Variants in HTT-AS observed in about 807,000 individuals in gnomAD.
HTT-AS encodes HTT antisense RNA (head to head).
chr4:3,054,279 G>C (rs1328452539), intron 2 of HTT-AS, among the ~76,000 whole-genome samples: 1 of 151,654 alleles, frequency 6.6e-6, no homozygotes, highest in Non-Finnish European at 1.5e-5. Context: ...TTAAAAAGAG[G>C]GGTGTTTAAA....
chr4:3,047,117 C>T (rs1711605043), downstream of HTT-AS, among the ~76,000 whole-genome samples: 1 of 152,192 alleles, frequency 6.6e-6, no homozygotes, highest in South Asian at 2.1e-4. Flanking sequence ...CGAGACCATC[C>T]TGGCTAACAC....
At chr4:3,065,275 T>C (rs1171635019) in intron 1 of HTT-AS, among the ~76,000 whole-genome samples, 1 of 152,022 alleles carries the variant, frequency 6.6e-6, no homozygotes, top group Non-Finnish European at 1.5e-5. Context: ...AGTCTTGCTC[T>C]GTTGCCAGGC....
intron 2 of HTT-AS, among the ~76,000 whole-genome samples, chr4:3,059,247 G>A (rs752891999): frequency 4.6e-5 from 7 of 152,154 alleles, no homozygotes; most frequent in East Asian, 1.9e-4. Context: ...CGGAGAAGGC[G>A]AATTCATCTG....
At chr4:3,046,624 G>A (rs921099007), downstream of HTT-AS, among the ~76,000 whole-genome samples, 2 of 152,194 alleles carry the variant, frequency 1.3e-5, no homozygotes, top group Non-Finnish European at 2.9e-5. Flanking sequence ...TATCACCATC[G>A]TAAATGTACT....
chr4:3,069,515 C>A (rs1191958020), intron 1 of HTT-AS, among the ~76,000 whole-genome samples: 1 of 151,990 alleles, frequency 6.6e-6, no homozygotes, highest in African/African-American at 2.4e-5. Context: ...TAACCAAAAA[C>A]CAGGTAACAG....
intron 2 of HTT-AS, among the ~76,000 whole-genome samples, chr4:3,049,790 C>G (rs770402684): frequency 6.6e-6 from 1 of 151,990 alleles, no homozygotes; most frequent in Non-Finnish European, 1.5e-5. Flanking sequence ...TCTTAACATG[C>G]GAGAGCTTTT....
chr4:3,070,979 G>A (rs956444907), intron 1 of HTT-AS, among the ~76,000 whole-genome samples: 1 of 152,130 alleles, frequency 6.6e-6, no homozygotes, highest in Non-Finnish European at 1.5e-5. Flanking sequence ...ACTTTTCTGT[G>A]AACTTTAAAA....
intron 2 of HTT-AS, among the ~76,000 whole-genome samples, chr4:3,054,466 G>A (rs1711770701): frequency 6.6e-6 from 1 of 152,098 alleles, no homozygotes; most frequent in Admixed American, 6.6e-5. Context: ...TGTGAGGAGA[G>A]TGAAATGTGT....
intron 1 of HTT-AS, among the ~76,000 whole-genome samples, chr4:3,065,859 T>C (rs1304423545): frequency 1.3e-5 from 2 of 152,240 alleles, no homozygotes; most frequent in Admixed American, 1.3e-4. Flanking sequence ...AAGTGTGGTT[T>C]CCATTGAATG....
intron 1 of HTT-AS, among the ~76,000 whole-genome samples, chr4:3,064,112 T>TTC (rs386399082): frequency 6.6e-6 from 1 of 151,392 alleles, no homozygotes; most frequent in Non-Finnish European, 1.5e-5. Flanking sequence ...TTTTTTTTTT[T>TTC]TGAGATGGAG....
intron 2 of HTT-AS, among the ~76,000 whole-genome samples, chr4:3,057,326 C>A (rs1332174545): frequency 6.6e-6 from 1 of 152,012 alleles, no homozygotes; most frequent in Non-Finnish European, 1.5e-5. Context: ...AGCCACTGCA[C>A]CCCACCCTGT....
rs34685466 is a variant in HTT-AS at position 3,055,781 on chromosome 4, AG to A, written n.1381-6084del. On this transcript the variant is annotated intron_variant and non_coding_transcript_variant, in intron 2 of 2. Transcript: ENST00000664062. ...TAAGTGTGCAAGAAAAATGAAACAA[AG>A]GGGTAGAACACAAACATCCCCACGA... Among the ~76,000 whole-genome samples, 283 of 152,316 alleles carry A rather than the reference AG, an allele frequency of 1.9e-3. 1 individual carries two copies. The highest frequency in any genetic ancestry group is 3.4e-3 in the Middle Eastern group (1 of 294).
chr4:3,074,523 C>A, exon 1 of HTT-AS: 3 of 293,234 alleles, frequency 1.0e-5, no homozygotes, highest in Non-Finnish European at 1.2e-5. Flanking sequence ...CTGTGTGAGG[C>A]AGAACCTGCG....
downstream of HTT-AS, among the ~76,000 whole-genome samples, chr4:3,048,781 A>ATT (rs1183771436): frequency 1.4e-4 from 21 of 152,322 alleles, no homozygotes; most frequent in African/African-American, 5.1e-4. Flanking sequence ...GCCTATCATG[A>ATT]GGGATACATT....
At chr4:3,073,959 CG>C (rs1038355155) in intron 1 of HTT-AS, among the ~76,000 whole-genome samples, 1 of 152,098 alleles carries the variant, frequency 6.6e-6, no homozygotes, top group African/African-American at 2.4e-5. Context: ...CAGGCGTCGG[CG>C]GGGGATCCTT....
intron 2 of HTT-AS, among the ~76,000 whole-genome samples, chr4:3,055,712 G>A (rs988268824): frequency 3.9e-5 from 6 of 152,122 alleles, no homozygotes; most frequent in African/African-American, 7.2e-5. Context: ...TTGGCTTTAC[G>A]CTCAGCTTCC....
At chr4:3,068,575 C>T (rs375565412) in intron 1 of HTT-AS, among the ~76,000 whole-genome samples, 21 of 151,122 alleles carry the variant, frequency 1.4e-4, no homozygotes, top group African/African-American at 5.1e-4. Flanking sequence ...ATGGAAAATT[C>T]GGGGGCCAAT....
intron 1 of HTT-AS, among the ~76,000 whole-genome samples, chr4:3,069,302 C>T (rs563565070): frequency 5.7e-4 from 85 of 149,382 alleles, no homozygotes; most frequent in African/African-American, 1.8e-3. Context: ...CCTGCCACCA[C>T]ACCTGGCTAA....
intron 1 of HTT-AS, among the ~76,000 whole-genome samples, chr4:3,074,140 G>T (rs1350066111): frequency 8.8e-6 from 1 of 113,120 alleles, no homozygotes; most frequent in Non-Finnish European, 1.8e-5. Context: ...ACCCCTCACC[G>T]GCCAGTCCCC....
Sources: gnomAD v4.1 joint callset for allele counts (sites outside exome capture counted in the v4.1 genomes callset) on GRCh38, gnomAD v4.1.1 for gene constraint, MANE v1.5 for transcripts, NCBI Gene and HGNC (gene_info 2026-07-23, HGNC 2026-07-21) for gene names.